Variants in PDXDC1 observed in about 807,000 individuals in gnomAD.
PDXDC1 encodes pyridoxal-dependent decarboxylase domain-containing protein 1.
Under a neutral mutation model 100.1 loss-of-function variants are expected in PDXDC1, and 42 were observed. The observed-to-expected ratio is 0.42, with a 90% CI of 0.33 to 0.54. PDXDC1 has a LOEUF of 0.54. Among genes scored for constraint, PDXDC1 ranks in the 20% least tolerant of loss-of-function variants. The pLI is 0.10. For synonymous variants in PDXDC1, 260 were observed against 371.7 expected (o/e 0.70, Z 3.46); for missense variants, 636 against 979.2 (o/e 0.65, Z 4.68).
At chr16:15,065,226 G>T (rs964501608) in intron 16 of PDXDC1, 2 of 1,612,756 alleles carry the variant, frequency 1.2e-6, no homozygotes, top group Non-Finnish European at 1.7e-6. Flanking sequence ...TACCTCTTCA[G>T]CACACAGGGA....
intron 16 of PDXDC1, chr16:15,044,227 T>C: frequency 1.4e-6 from 1 of 717,386 alleles, no homozygotes. Flanking sequence ...CTGCTCCAAG[T>C]GGGTGTGCCC....
At chr16:15,073,050 A>C (rs769162972) in intron 16 of PDXDC1, 1 of 1,612,752 alleles carries the variant, frequency 6.2e-7, no homozygotes, top group Non-Finnish European at 8.5e-7. Flanking sequence ...GTCGCGATAT[A>C]GATCCTTTGT....
intron 16 of PDXDC1, chr16:15,128,213 C>T (rs200867611): frequency 1.9e-5 from 30 of 1,610,974 alleles, no homozygotes; most frequent in Admixed American, 5.0e-5. Flanking sequence ...TGGCAGGGTC[C>T]GCACAGACCT....
At chr16:15,140,095 CAA>C (rs372891971), downstream of PDXDC1, among the ~76,000 whole-genome samples, 4 of 43,838 alleles carry the variant, frequency 9.1e-5, no homozygotes, top group South Asian at 1.4e-3. Context: ...GACTCCATCT[CAA>C]AAAAAAAAAA....
chr16:15,130,916 G>A (rs1168327783), intron 16 of PDXDC1: 13 of 708,526 alleles, frequency 1.8e-5, no homozygotes, highest in African/African-American at 5.3e-5. Flanking sequence ...CTCTGCACCA[G>A]AGCTGGCACC....
chr16:15,063,166 G>A lies in PDXDC1; in HGVS notation c.1399+33110G>A, dbSNP rs376667625. The A allele has an allele frequency of 6.3e-5, 90 of 1,435,246 alleles. No individual in the cohort carries two copies. In the African/African-American group the frequency reaches 6.4e-4, roughly 10 times the overall value. 88.9% of individuals were successfully genotyped at this position (1,435,246 alleles called of 1,614,324 possible). A position where few individuals can be genotyped will look rare whatever the true frequency, so the allele number is the denominator to read the frequency against. On this transcript the variant is annotated intron_variant, in intron 16 of 16. Transcript: ENST00000535621. Reference sequence around the variant, plus strand: ...GACCTGGAACCAGAAAGGAGATTCCGAGAGTGTGCTCAATCAATCACAAAC... The same window carrying A: ...GACCTGGAACCAGAAAGGAGATTCCAAGAGTGTGCTCAATCAATCACAAAC...
chr16:15,124,942 T>A (rs1346560910), intron 16 of PDXDC1, among the ~76,000 whole-genome samples: 1 of 149,078 alleles, frequency 6.7e-6, no homozygotes, highest in Non-Finnish European at 1.5e-5. Flanking sequence ...AGGTTAGGAG[T>A]TCGAGACCAG....
chr16:14,992,579 T>A (rs1323492341), intron 1 of PDXDC1, among the ~76,000 whole-genome samples: 2 of 152,292 alleles, frequency 1.3e-5, no homozygotes, highest in South Asian at 4.1e-4. Context: ...CTTCTCATAG[T>A]TAAAGTGGTG....
chr16:15,090,873 G>GTTTTTTTTTTT (rs4012873), intron 16 of PDXDC1, among the ~76,000 whole-genome samples: 5 of 128,174 alleles, frequency 3.9e-5, no homozygotes, highest in Admixed American at 7.9e-5. Context: ...TCAGTGGTTT[G>GTTTTTTTTTTT]TTTTTTTTTT....
intron 16 of PDXDC1, chr16:15,128,232 C>T (rs2047858145): frequency 1.2e-6 from 2 of 1,611,320 alleles, no homozygotes; most frequent in African/African-American, 1.3e-5. Context: ...CTTTGTCGTG[C>T]CACACTCGGA....
intron 8 of PDXDC1, among the ~76,000 whole-genome samples, chr16:15,013,349 A>AG (rs2041493862): frequency 2.1e-5 from 1 of 46,932 alleles, no homozygotes; most frequent in Non-Finnish European, 5.8e-5. Flanking sequence ...ACCCTATCTC[A>AG]AAAAAAAAAG....
intron 16 of PDXDC1, among the ~76,000 whole-genome samples, chr16:15,100,313 A>T (rs2046495115): frequency 6.6e-6 from 1 of 152,234 alleles, no homozygotes; most frequent in African/African-American, 2.4e-5. Flanking sequence ...TAAAAACTAC[A>T]TTCATTAACA....
chr16:14,987,721 C>T (rs1398409424), intron 1 of PDXDC1, among the ~76,000 whole-genome samples: 1 of 152,296 alleles, frequency 6.6e-6, no homozygotes. Context: ...AAGCAGTTCT[C>T]CTGCCTCAGT....
At chr16:15,047,876 T>C (rs761704336) in intron 16 of PDXDC1, 1 of 1,613,576 alleles carries the variant, frequency 6.2e-7, no homozygotes, top group Non-Finnish European at 8.5e-7. Context: ...AGGACCACAA[T>C]GTGACAAGTA....
In PDXDC1 at chr16:15,084,695, T is replaced by C. The variant is rs2045845939; in HGVS notation, c.1400-54184T>C. On this transcript the variant is annotated intron_variant, in intron 16 of 16. Coordinates refer to the PDXDC1 transcript ENST00000535621. Reference sequence around the variant, plus strand: ...AGGCTCTGTGACATGTGTCAAAATTTGCAGGAAGATCTGAAAGGAGAAAAG... The same window carrying C: ...AGGCTCTGTGACATGTGTCAAAATTCGCAGGAAGATCTGAAAGGAGAAAAG... The C allele has an allele frequency of 1.9e-6, 3 of 1,612,826 alleles. No homozygotes were observed. The African/African-American group carries it at 4.0e-5, about 22-fold the overall frequency.
At chr16:15,094,144 C>T in intron 16 of PDXDC1, 1 of 1,595,102 alleles carries the variant, frequency 6.3e-7, no homozygotes, top group Non-Finnish European at 8.5e-7. Context: ...CTGAATCTTA[C>T]CCAGTCCTCG....
chr16:15,128,745 C>A (rs1042592048), intron 16 of PDXDC1, among the ~76,000 whole-genome samples: 4 of 152,080 alleles, frequency 2.6e-5, no homozygotes, highest in Admixed American at 1.3e-4. Flanking sequence ...TCAGTTCATG[C>A]ATAGACTGCA....
In PDXDC1 at chr16:15,038,177, G is replaced by A. The variant is rs1241362731; in HGVS notation, c.*1902G>A. ...GTAGATCTAATATGTTCAACAAAGT[G>A]GGGTGGCTCAGCCAGAGGCGAAGTG... On this transcript the variant is annotated 3_prime_UTR_variant, in exon 23 of 23. Coordinates refer to ENST00000396410, the MANE Select transcript of PDXDC1 (RefSeq NM_015027.4). 5 of 1,613,104 alleles carry A rather than the reference G, an allele frequency of 3.1e-6. No individual in the cohort carries two copies. The highest frequency in any genetic ancestry group is 4.2e-6 in the Non-Finnish European group (5 of 1,179,582).
chr16:15,126,160 G>T (rs2380386), intron 16 of PDXDC1, among the ~76,000 whole-genome samples: 8 of 151,764 alleles, frequency 5.3e-5, no homozygotes, highest in Admixed American at 6.6e-5. Context: ...TCAGCCTCCT[G>T]AGTAGCTGGG....
Sources: gnomAD v4.1 joint callset for allele counts (sites outside exome capture counted in the v4.1 genomes callset) on GRCh38, gnomAD v4.1.1 for gene constraint, MANE v1.5 for transcripts, NCBI Gene and HGNC (gene_info 2026-07-23, HGNC 2026-07-21) for gene names.